MID1: variants seen among roughly 807,000 people sequenced by gnomAD.
MID1 encodes midline 1.
In MID1, 7 loss-of-function variants were observed where a neutral mutation model predicts 40.4. That is an observed-to-expected ratio of 0.17 (90% CI 0.10 to 0.33). MID1 has a LOEUF of 0.33. MID1 is among the 10% of genes least tolerant of loss of function. The probability of loss-of-function intolerance (pLI) is 1.00; values close to 1 mark genes in which losing one functional copy is unlikely to be tolerated. For synonymous variants in MID1, 229 were observed against 221.2 expected (o/e 1.04, Z -0.31); for missense variants, 367 against 558.5 (o/e 0.66, Z 3.46).
In MID1 at chrX:10,609,566, T is replaced by C. The variant is rs111494401; in HGVS notation, c.-57+10724A>G. ...GGTCACAGAGTTAAGATGTGGCACG[T>C]TAGGGTCTTTACTCGAGGGTCTCTG... On this transcript the variant is annotated intron_variant, in intron 1 of 9. Coordinates refer to ENST00000317552, the MANE Select transcript of MID1 (RefSeq NM_000381.4). Among the ~76,000 whole-genome samples the C allele has an allele frequency of 3.4e-3, 377 of 110,791 alleles. 4 individuals carry two copies. Among genetic ancestry groups the C allele is most frequent in the African/African-American group, 0.012 (360 of 30,491 alleles).
chrX:10,807,072 C>T (rs1024988052), intron 1 of MID1, among the ~76,000 whole-genome samples: 1 of 110,616 alleles, frequency 9.0e-6, no homozygotes, highest in Non-Finnish European at 1.9e-5. Context: ...GGTGAAACCC[C>T]GTCTCTATTA....
At position 10,446,910 on chromosome X, in the gene MID1, AC is replaced by A. The variant is rs1928065166; in HGVS notation, c.*2457del. The A allele has an allele frequency of 9.0e-6, 1 of 111,249 alleles. No individual in the cohort carries two copies. The highest frequency in any genetic ancestry group is 9.5e-5 in the Admixed American group (1 of 10,480). 9.2% of individuals were successfully genotyped at this position (111,249 alleles called of 1,213,427 possible). On this transcript the variant is annotated 3_prime_UTR_variant, in exon 10 of 10. Coordinates refer to ENST00000317552, the MANE Select transcript of MID1 (RefSeq NM_000381.4). ...TATCGCAGTGTTTCCTGTGGTGAGGACCCCAAATAATAAAATACTGTGACCT... is the reference window on the plus strand; with the variant it reads ...TATCGCAGTGTTTCCTGTGGTGAGGACCCAAATAATAAAATACTGTGACCT...
intron 1 of MID1, among the ~76,000 whole-genome samples, chrX:10,724,881 C>T (rs1166589345): frequency 8.9e-6 from 1 of 111,737 alleles, no homozygotes; most frequent in East Asian, 2.8e-4. Context: ...ACTTTAGATT[C>T]TAAAGAATGA....
intron 8 of MID1, among the ~76,000 whole-genome samples, chrX:10,458,494 T>C (rs1180043281): frequency 3.6e-5 from 4 of 112,182 alleles, no homozygotes; most frequent in Admixed American, 9.4e-5. Context: ...TTCTTAGTTA[T>C]GATAACTGTA....
intron 2 of MID1, among the ~76,000 whole-genome samples, chrX:10,566,668 C>G (rs757008492): frequency 1.4e-3 from 151 of 110,420 alleles, no homozygotes; most frequent in African/African-American, 4.8e-3. Flanking sequence ...TTAGAATTTG[C>G]CCTCACCTTG....
At chrX:10,817,514 C>CTCCTTCTT (rs2044143613) in intron 1 of MID1, among the ~76,000 whole-genome samples, 1 of 80,435 alleles carries the variant, frequency 1.2e-5, no homozygotes, top group Non-Finnish European at 2.4e-5. Context: ...TTCTTTTTTT[C>CTCCTTCTT]TCTTTCTTTC....
intron 1 of MID1, among the ~76,000 whole-genome samples, chrX:10,759,235 G>A (rs1029966978): frequency 3.6e-5 from 4 of 112,279 alleles, no homozygotes; most frequent in Non-Finnish European, 7.5e-5. Flanking sequence ...CTAAGCGAGT[G>A]CTGTTACTCA....
intron 1 of MID1, among the ~76,000 whole-genome samples, chrX:10,645,808 A>C (rs759936802): frequency 6.3e-5 from 7 of 111,605 alleles, no homozygotes; most frequent in Non-Finnish European, 1.3e-4. Context: ...TCCTACCTTG[A>C]GGCTTTTCTG....
At chrX:10,808,193 G>GT (rs2044061458) in intron 1 of MID1, among the ~76,000 whole-genome samples, 1 of 111,972 alleles carries the variant, frequency 8.9e-6, no homozygotes, top group African/African-American at 3.2e-5. Flanking sequence ...AGAGGCTGAG[G>GT]TGAAAGCCTC....
intron 3 of MID1, among the ~76,000 whole-genome samples, chrX:10,503,412 A>G (rs7059348): frequency 0.07 from 7,821 of 112,088 alleles, 562 homozygotes; most frequent in African/African-American, 0.21. Context: ...TGAGAGAGAG[A>G]GAGAATGGCC....
At chrX:10,746,406 A>G (rs2043557084) in intron 1 of MID1, among the ~76,000 whole-genome samples, 1 of 112,228 alleles carries the variant, frequency 8.9e-6, no homozygotes, top group South Asian at 3.7e-4. Context: ...TCTATTTCCA[A>G]GGTTGTTCAG....
chrX:10,604,483 CTCT>C (rs1395912449), intron 1 of MID1, among the ~76,000 whole-genome samples: 1 of 111,691 alleles, frequency 9.0e-6, no homozygotes, highest in Non-Finnish European at 1.9e-5. Flanking sequence ...ATCAGAAGTT[CTCT>C]TCATTTCTTG....
At chrX:10,586,077 C>T (rs1300969825) in intron 1 of MID1, among the ~76,000 whole-genome samples, 1 of 111,228 alleles carries the variant, frequency 9.0e-6, no homozygotes, top group East Asian at 2.8e-4. Context: ...GGTCATTTCC[C>T]GGGCTACATA....
intron 1 of MID1, among the ~76,000 whole-genome samples, chrX:10,759,852 A>T (rs1369946435): frequency 8.9e-6 from 1 of 111,838 alleles, no homozygotes; most frequent in African/African-American, 3.3e-5. Context: ...GATACAAAAA[A>T]TTTTCTAAGC....
chrX:10,680,880 T>A (rs1173970502), intron 1 of MID1, among the ~76,000 whole-genome samples: 1 of 107,992 alleles, frequency 9.3e-6, no homozygotes, highest in African/African-American at 3.4e-5. Context: ...AAAATAAAAA[T>A]AAAAAAATGC....
intron 1 of MID1, among the ~76,000 whole-genome samples, chrX:10,782,226 A>T (rs904918234): frequency 1.8e-5 from 2 of 111,021 alleles, no homozygotes; most frequent in African/African-American, 6.6e-5. Flanking sequence ...TCTTCCTCAC[A>T]CCCCACATCC....
intron 1 of MID1, among the ~76,000 whole-genome samples, chrX:10,608,865 A>C (rs1935673891): frequency 8.9e-6 from 1 of 111,865 alleles, no homozygotes; most frequent in South Asian, 3.7e-4. Context: ...TAAAGACAGA[A>C]ATACATAAAC....
intron 1 of MID1, among the ~76,000 whole-genome samples, chrX:10,730,169 C>A (rs2043434492): frequency 9.1e-6 from 1 of 109,562 alleles, no homozygotes; most frequent in South Asian, 3.9e-4. Flanking sequence ...ATACAATTAA[C>A]CTAGTAGATG....
At chrX:10,471,003 G>C (rs1388099203) in intron 6 of MID1, among the ~76,000 whole-genome samples, 4 of 111,953 alleles carry the variant, frequency 3.6e-5, no homozygotes. Flanking sequence ...GGCTGCTTTG[G>C]AGCAACAGCA....
Sources: gnomAD v4.1 joint callset for allele counts (sites outside exome capture counted in the v4.1 genomes callset) on GRCh38, gnomAD v4.1.1 for gene constraint, MANE v1.5 for transcripts, NCBI Gene and HGNC (gene_info 2026-07-23, HGNC 2026-07-21) for gene names.